ADSL: variants seen among roughly 807,000 people sequenced by gnomAD.
ADSL encodes adenylosuccinase.
In ADSL, 44 loss-of-function variants were observed where a neutral mutation model predicts 62.1. The observed-to-expected ratio is 0.71, with a 90% CI of 0.56 to 0.91. ADSL has a LOEUF of 0.91. Ranked by LOEUF, ADSL falls within the 40% of genes least tolerant of loss-of-function variation. ADSL has a pLI of 0.00. For synonymous variants in ADSL, 198 were observed against 220.5 expected, an observed-to-expected ratio of 0.90 and a Z score of 0.90; for missense variants, 531 against 627.4, an observed-to-expected ratio of 0.85 and a Z score of 1.64.
intron 2 of ADSL, among the ~76,000 whole-genome samples, chr22:40,381,356 C>T (rs998407880): frequency 6.6e-6 from 1 of 152,010 alleles, no homozygotes; most frequent in African/African-American, 2.4e-5. Flanking sequence ...ACTATGTTGC[C>T]GAGGCTGGTC....
chr22:40,346,815 C>A, intron 1 of ADSL, 104 bp downstream of exon 1: 2 of 1,273,414 alleles, frequency 1.6e-6, no homozygotes, highest in Non-Finnish European at 2.2e-6. Flanking sequence ...GAGCTGCGGC[C>A]CGGCTATTTT....
chr22:40,350,039 G>A lies in ADSL; in HGVS notation c.357+4G>A, dbSNP rs1230823834. The stretch of plus-strand genomic sequence containing the variant: ...TTGCTATGTTGGAGACAATACTGTA[G>A]GCGCCTGTGTTGTTTATACTTAAAA... On this transcript the variant is annotated splice_donor_region_variant and intron_variant, in intron 2 of 12. Coordinates refer to ENST00000623063, the MANE Select transcript of ADSL (RefSeq NM_000026.4). The A allele has an allele frequency of 1.9e-6, 3 of 1,613,080 alleles. No homozygotes were observed. Among genetic ancestry groups the A allele is most frequent in the Non-Finnish European group, 2.5e-6 (3 of 1,179,198 alleles).
At chr22:40,356,537 A>G (rs2743727) in intron 4 of ADSL, among the ~76,000 whole-genome samples, 12 of 139,050 alleles carry the variant, frequency 8.6e-5, no homozygotes, top group Non-Finnish European at 1.7e-4. Flanking sequence ...TCCGTCTCCA[A>G]AAAAAAAAAA....
intron 2 of ADSL, chr22:40,351,916 G>A (rs2044362275): frequency 6.6e-6 from 1 of 152,146 alleles, no homozygotes; most frequent in Admixed American, 6.5e-5. Flanking sequence ...GCCTCCCAAA[G>A]TGCTGGGATT....
At position 40,346,725 on chromosome 22, in the gene ADSL, G is replaced by A; in HGVS notation, c.153+14G>A. ...GAGGCCGAGCAGGTAACGGATCCCG[G>A]GCTGAGGGGCTGGGCCGGGAGGGAC... On this transcript the variant is annotated intron_variant, in intron 1 of 12. Coordinates refer to ENST00000623063, the MANE Select transcript of ADSL (RefSeq NM_000026.4). 6.3e-7 allele frequency: 1 copy of A among 1,594,088 alleles called. No individual in the cohort carries two copies. Among genetic ancestry groups the A allele is most frequent in the Non-Finnish European group, 8.5e-7 (1 of 1,174,012 alleles).
intron 2 of ADSL, among the ~76,000 whole-genome samples, chr22:40,380,553 G>A (rs969938920): frequency 6.6e-6 from 1 of 152,064 alleles, no homozygotes; most frequent in East Asian, 1.9e-4. Flanking sequence ...TTCTAATAGA[G>A]ATGGGTTTTC....
intron 1 of ADSL, among the ~76,000 whole-genome samples, chr22:40,349,138 T>C (rs1250646762): frequency 1.3e-5 from 2 of 152,110 alleles, no homozygotes; most frequent in Non-Finnish European, 2.9e-5. Flanking sequence ...AAGTATTCAT[T>C]CTAGAGGGAA....
At position 40,366,436 on chromosome 22, in the gene ADSL, G is replaced by A. The variant is rs747385959; in HGVS notation, c.1369G>A (p.Val457Met). Residue 457 changes from valine to methionine, a missense_variant and splice_region_variant, in exon 13 of 13, where the codon GTG becomes ATG. By Grantham distance (21) the Val-to-Met change is conservative. Coordinates refer to ENST00000623063, the MANE Select transcript of ADSL (RefSeq NM_000026.4). The stretch of plus-strand genomic sequence containing the variant: ...TCTTGTATTTGCTTTCCTCTGGCAG[G>A]TGCAGAGATTCTTAGAAGAGGAGGT... ...SSFTGRASQQ[V>M]QRFLEEEVYP... The A allele has an allele frequency of 1.2e-6, 2 of 1,606,402 alleles. No homozygotes were observed. Among genetic ancestry groups the A allele is most frequent in the Non-Finnish European group, 1.7e-6 (2 of 1,173,092 alleles).
At chr22:40,370,154 AC>A (rs2045165614), downstream of ADSL, among the ~76,000 whole-genome samples, 1 of 152,100 alleles carries the variant, frequency 6.6e-6, no homozygotes, top group African/African-American at 2.4e-5. Flanking sequence ...AGCCTGGCCA[AC>A]ATGGTGAAAC....
intron 2 of ADSL, among the ~76,000 whole-genome samples, chr22:40,375,143 G>A (rs2046337761): frequency 6.6e-6 from 1 of 152,170 alleles, no homozygotes; most frequent in Non-Finnish European, 1.5e-5. Flanking sequence ...CTTTTGCAGT[G>A]ATAAACATAT....
At chr22:40,377,475 A>T (rs1329573284) in intron 2 of ADSL, among the ~76,000 whole-genome samples, 1 of 152,190 alleles carries the variant, frequency 6.6e-6, no homozygotes, top group Non-Finnish European at 1.5e-5. Flanking sequence ...AGTTACCCAA[A>T]GTCAGTTTTG....
In ADSL at chr22:40,363,304, A is replaced by G. The variant is rs17001863; in HGVS notation, c.1101+233A>G. Among the ~76,000 whole-genome samples, 18,429 of 152,226 alleles carry G rather than the reference A, an allele frequency of 0.12. 1,221 individuals are homozygous for G. The highest frequency in any genetic ancestry group is 0.15 in the South Asian group (726 of 4,822). ...TGCCTTAAACTATCTAGCAGCATGA[A>G]TCATCAGCTCTGGTGTGACTAGGCA... is the stretch of plus-strand genomic sequence containing the variant. On this transcript the variant is annotated intron_variant, in intron 10 of 12. Coordinates refer to ENST00000623063, the MANE Select transcript of ADSL (RefSeq NM_000026.4).
rs2044950353 is a variant in ADSL, at chr22:40,365,068, A to G, written c.1368+12A>G. The G allele has an allele frequency of 1.2e-6, 2 of 1,610,778 alleles. No homozygotes were observed. On this transcript the variant is annotated intron_variant, in intron 12 of 12. Coordinates refer to ENST00000623063, the MANE Select transcript of ADSL (RefSeq NM_000026.4). ...GTGCCTCCCAGCAGGTAAGCTTCCAAGAAGCCTCTTTTCTGCTGGGCTGCA... is the reference window on the plus strand; with the variant it reads ...GTGCCTCCCAGCAGGTAAGCTTCCAGGAAGCCTCTTTTCTGCTGGGCTGCA...
At chr22:40,360,945 C>T (rs1359980215) in intron 7 of ADSL, 1 of 391,998 alleles carries the variant, frequency 2.6e-6, no homozygotes, top group African/African-American at 2.1e-5. Context: ...AGGTGATCCA[C>T]CCACCTCAGC....
At chr22:40,364,535 G>A (rs913072824) in intron 11 of ADSL, 170 bp downstream of exon 11, 1 of 723,986 alleles carries the variant, frequency 1.4e-6, no homozygotes, top group Non-Finnish European at 2.4e-6. Flanking sequence ...TTGGTGAACT[G>A]AATTTGTTAA....
chr22:40,364,769 G>T, intron 11 of ADSL, 111 bp from the exon 12 acceptor site: 1 of 1,171,770 alleles, frequency 8.5e-7, no homozygotes, highest in Non-Finnish European at 1.3e-6. Context: ...GCCTAGAGGG[G>T]TTTTGTGTAG....
At chr22:40,370,526 C>G (rs1308609551), downstream of ADSL, 1 of 152,334 alleles carries the variant, frequency 6.6e-6, no homozygotes, top group Non-Finnish European at 1.5e-5. Flanking sequence ...CTGGACGCGC[C>G]CCGCCTAGTG....
At chr22:40,381,619 C>T (rs2047597211) in intron 2 of ADSL, among the ~76,000 whole-genome samples, 1 of 152,150 alleles carries the variant, frequency 6.6e-6, no homozygotes, top group African/African-American at 2.4e-5. Context: ...CTTTATTACT[C>T]CCCAACATGT....
rs2048666230 is a variant in ADSL, at chr22:40,387,491, C to T, written c.90-2739C>T. On this transcript the variant is annotated intron_variant, in intron 2 of 2. Transcript: ENST00000498234. The stretch of plus-strand genomic sequence containing the variant: ...TATTTATGATCTCCTCTTAGGTGCC[C>T]TAATCTCCTATGTTAATATAAAACT... 5 of 315,124 alleles carry T rather than the reference C, an allele frequency of 1.6e-5. No individual in the cohort carries two copies. The Admixed American group carries it at 2.0e-4, about 12-fold the overall frequency. The allele number at this position is 315,124 out of a possible 1,614,324, so 19.5% of individuals were successfully genotyped here.
Sources: allele counts gnomAD v4.1 joint callset (sites outside exome capture counted in the v4.1 genomes callset), GRCh38; gene constraint gnomAD v4.1.1; transcripts MANE v1.5; gene names NCBI Gene and HGNC (gene_info 2026-07-23, HGNC 2026-07-21).